Variants in NUDCD2 observed in about 807,000 individuals in gnomAD.
NUDCD2 encodes nudC domain-containing protein 2.
In NUDCD2, 16 loss-of-function variants were observed where a neutral mutation model predicts 20.8. That is an observed-to-expected ratio of 0.77 (90% CI 0.52 to 1.17). The LOEUF (loss-of-function observed/expected upper bound fraction) is 1.17. Among genes scored for constraint, NUDCD2 ranks in the 50% most tolerant of loss-of-function variants. The pLI is 0.00. For missense variants in NUDCD2, 199 were observed against 193.9 expected (o/e 1.03, Z -0.16); for synonymous variants, 87 against 72.8 (o/e 1.20, Z -1.00).
chr5:163,457,005 T>C lies in NUDCD2; in HGVS notation c.314A>G (p.Glu105Gly). ...CCAAGGATCCGCTGCATATTCAGATTCTAGTAGAGAAGTCCAACAATTTGC... is the reference window on the plus strand; with the variant it reads ...CCAAGGATCCGCTGCATATTCAGATCCTAGTAGAGAAGTCCAACAATTTGC... The part of the protein sequence containing the change: ...DAANCWTSLL[E>G]SEYAADPWVQ... Residue 105 changes from glutamate (E) to glycine (G), a missense_variant, in exon 3 of 4, where the codon GAA becomes GGA. Glu to Gly is a moderately conservative substitution (Grantham distance 98). Transcript: ENST00000302764. 6.2e-7 allele frequency: 1 copy of C among 1,613,676 alleles called. No homozygotes were observed. Among genetic ancestry groups the C allele is most frequent in the Non-Finnish European group, 8.5e-7 (1 of 1,179,736 alleles).
intron 3 of NUDCD2, among the ~76,000 whole-genome samples, chr5:163,456,597 G>C (rs770422690): frequency 5.3e-5 from 8 of 152,064 alleles, no homozygotes; most frequent in Non-Finnish European, 1.2e-4. Flanking sequence ...CATGGAATGG[G>C]GAGAATGGTG....
chr5:163,457,224 C>CCG (rs1554095188), intron 2 of NUDCD2, 144 bp from the exon 3 acceptor site: 4 of 832,260 alleles, frequency 4.8e-6, no homozygotes, highest in South Asian at 2.1e-5. Context: ...CTCCGCCCCC[C>CCG]GGGTTCAAGT....
At chr5:163,459,807 G>T in intron 1 of NUDCD2, 55 bp downstream of exon 1, 1 of 1,489,426 alleles carries the variant, frequency 6.7e-7, no homozygotes, top group Non-Finnish European at 9.1e-7. Flanking sequence ...CAGGGAAACG[G>T]GGCTGGGGGC....
In NUDCD2 at chr5:163,449,715, G is replaced by A. The variant is rs1483709382; in HGVS notation, c.*4252C>T. 2.0e-5 allele frequency: 3 copies of A among 152,104 alleles called. No homozygotes were observed. The highest frequency in any genetic ancestry group is 3.8e-4 in the East Asian group (2 of 5,204). The allele number at this position is 152,104 out of a possible 1,614,324, so 9.4% of individuals were successfully genotyped here. On this transcript the variant is annotated 3_prime_UTR_variant, in exon 4 of 4. Transcript: ENST00000302764. Reference sequence around the variant, plus strand: ...CAAGGCAATCTGGTATTTATGAAAGGATAAACACATAGATCGATGGAATAA... The same window carrying A: ...CAAGGCAATCTGGTATTTATGAAAGAATAAACACATAGATCGATGGAATAA...
At chr5:163,454,575 C>T (rs887905343) in intron 3 of NUDCD2, among the ~76,000 whole-genome samples, 6 of 152,244 alleles carry the variant, frequency 3.9e-5, no homozygotes, top group South Asian at 2.1e-4. Flanking sequence ...TCCCAACCTC[C>T]GGTGATCCGC....
chr5:163,453,912 T>C lies in NUDCD2; in HGVS notation c.*55A>G. The C allele has an allele frequency of 1.1e-6, 1 of 930,034 alleles. No individual in the cohort carries two copies. Among genetic ancestry groups the C allele is most frequent in the Non-Finnish European group, 1.6e-6 (1 of 625,234 alleles). The allele number at this position is 930,034 out of a possible 1,614,324, so 57.6% of individuals were successfully genotyped here. On this transcript the variant is annotated 3_prime_UTR_variant, in exon 4 of 4. Coordinates refer to ENST00000302764, the MANE Select transcript of NUDCD2 (RefSeq NM_145266.6). ...TTTCTTCCATTACATAATCTGTTTA[T>C]CTGATTAAGTTGGCAATATCTGCTA...
At chr5:163,457,130 C>CATCAAGTT in intron 2 of NUDCD2, 50 bp from the exon 3 acceptor site, 1 of 1,458,356 alleles carries the variant, frequency 6.9e-7, no homozygotes, top group Non-Finnish European at 9.2e-7. Flanking sequence ...TAGAGTTCTT[C>CATCAAGTT]ATCAAGTTGT....
rs565605590 is a variant in NUDCD2 at position 163,455,092 on chromosome 5, G to T, written c.391-1042C>A. Among the ~76,000 whole-genome samples the T allele has an allele frequency of 3.9e-5, 6 of 152,096 alleles. No homozygotes were observed. In the South Asian group the frequency reaches 1.2e-3, roughly 32 times the overall value. On this transcript the variant is annotated intron_variant, in intron 3 of 3. Transcript: ENST00000302764. ...AGGTAGTGGGCCAAATTTGGCCCAA[G>T]GGCTGTAGTTTGCCAACCGCTGATG...
chr5:163,458,517 T>TG (rs1460033750), intron 1 of NUDCD2, among the ~76,000 whole-genome samples: 1 of 152,090 alleles, frequency 6.6e-6, no homozygotes, highest in East Asian at 1.9e-4. Context: ...CTTGACCCCA[T>TG]GGGTTTGAGG....
At chr5:163,459,706 C>A (rs970442127) in intron 1 of NUDCD2, 156 bp downstream of exon 1, 12 of 539,862 alleles carry the variant, frequency 2.2e-5, no homozygotes, top group Non-Finnish European at 3.5e-5. Context: ...CCTGAAGAGG[C>A]GGGGGCTCTG....
chr5:163,450,030 G>A lies in NUDCD2; in HGVS notation c.*3937C>T, dbSNP rs1758139302. 6.6e-6 allele frequency: 1 copy of A among 152,098 alleles called. No individual in the cohort carries two copies. Among genetic ancestry groups the A allele is most frequent in the South Asian group, 2.1e-4 (1 of 4,828 alleles). 9.4% of individuals were successfully genotyped at this position (152,098 alleles called of 1,614,324 possible). A position where few individuals can be genotyped will look rare whatever the true frequency, so the allele number is the denominator to read the frequency against. ...AGCACTTCAGAGGCTGAGGCGGGCA[G>A]ATCCGTTGAGGTCAGTTCAAGACCA... On this transcript the variant is annotated 3_prime_UTR_variant, in exon 4 of 4. Coordinates refer to ENST00000302764, the MANE Select transcript of NUDCD2 (RefSeq NM_145266.6).
rs540496894 is a variant in NUDCD2, at chr5:163,457,979, C to CTTTTT, written c.190-374_190-370dup. ...TCCTGCTAAAACTAAAAAATGTTGT[C>CTTTTT]TTTTTTTTTTTTTTTTTTTTTTTTT... On this transcript the variant is annotated intron_variant, in intron 1 of 3. Coordinates refer to ENST00000302764, the MANE Select transcript of NUDCD2 (RefSeq NM_145266.6). Among the ~76,000 whole-genome samples the CTTTTT allele has an allele frequency of 2.4e-3, 177 of 73,726 alleles. 25 individuals carry two copies. The South Asian group carries it at 0.026, about 11-fold the overall frequency. 48.4% of individuals were successfully genotyped at this position (73,726 alleles called of 152,430 possible).
chr5:163,458,149 A>G (rs1175404208), intron 1 of NUDCD2, among the ~76,000 whole-genome samples: 11 of 151,684 alleles, frequency 7.3e-5, no homozygotes, highest in Non-Finnish European at 1.0e-4. Context: ...CGCCCGGCTA[A>G]TTTTTGTATT....
chr5:163,455,538 C>A (rs532454134), intron 3 of NUDCD2, among the ~76,000 whole-genome samples: 1 of 152,150 alleles, frequency 6.6e-6, no homozygotes, highest in African/African-American at 2.4e-5. Context: ...CCAAGGCGGG[C>A]GGATCACGAG....
chr5:163,458,872 G>A (rs1193648143), intron 1 of NUDCD2: 1 of 152,168 alleles, frequency 6.6e-6, no homozygotes, highest in Non-Finnish European at 1.5e-5. Flanking sequence ...ATTCAGAAAA[G>A]TAACTGAGAT....
At position 163,449,701 on chromosome 5, in the gene NUDCD2, G is replaced by A. The variant is rs1381916547; in HGVS notation, c.*4266C>T. The A allele has an allele frequency of 6.6e-6, 1 of 152,108 alleles. No individual in the cohort carries two copies. Among genetic ancestry groups the A allele is most frequent in the Admixed American group, 6.6e-5 (1 of 15,262 alleles). The allele number at this position is 152,108 out of a possible 1,614,324, so 9.4% of individuals were successfully genotyped here. A position where few individuals can be genotyped will look rare whatever the true frequency, so the allele number is the denominator to read the frequency against. On this transcript the variant is annotated 3_prime_UTR_variant, in exon 4 of 4. Coordinates refer to ENST00000302764, the MANE Select transcript of NUDCD2 (RefSeq NM_145266.6). ...AAAGCTGTGATAATCAAGGCAATCT[G>A]GTATTTATGAAAGGATAAACACATA...
intron 3 of NUDCD2, among the ~76,000 whole-genome samples, chr5:163,456,475 T>C (rs1758313770): frequency 6.6e-6 from 1 of 151,594 alleles, no homozygotes; most frequent in Admixed American, 6.6e-5. Flanking sequence ...AGCATATTAT[T>C]AAATAAAAAA....
rs532988205 is a variant in NUDCD2 at position 163,459,875 on chromosome 5, C to T, written c.176G>A (p.Arg59His). ...AGCTGCCGCTACCTTGAGGATCTCG[C>T]GGCCGCCCACCGACAGCGCCACATG... ...SRHVALSVGG[R>H]EILKGKLFDS... is the part of the protein sequence containing the mutation. Residue 59 changes from arginine (R) to histidine (H), a missense_variant, in exon 1 of 4, where the codon CGC becomes CAC. Transcript: ENST00000302764. 1.2e-6 allele frequency: 2 copies of T among 1,604,120 alleles called. No homozygotes were observed. Among genetic ancestry groups the T allele is most frequent in the African/African-American group, 2.7e-5 (2 of 74,576 alleles).
rs1433408335 is a variant in NUDCD2, at chr5:163,452,230, A to G, written c.*1737T>C. 6.6e-6 allele frequency: 1 copy of G among 152,208 alleles called. No homozygotes were observed. Among genetic ancestry groups the G allele is most frequent in the East Asian group, 1.9e-4 (1 of 5,192 alleles). 9.4% of individuals were successfully genotyped at this position (152,208 alleles called of 1,614,324 possible). ...CAGAAATATAGATGTAAAGACATGC[A>G]TTATATATACACACCAACGGCAATT... On this transcript the variant is annotated 3_prime_UTR_variant, in exon 4 of 4. Transcript: ENST00000302764.
Sources: gnomAD v4.1 joint callset for allele counts (sites outside exome capture counted in the v4.1 genomes callset) on GRCh38, gnomAD v4.1.1 for gene constraint, MANE v1.5 for transcripts, NCBI Gene and HGNC (gene_info 2026-07-23, HGNC 2026-07-21) for gene names.